MRPS2: variants seen among roughly 807,000 people sequenced by gnomAD.
MRPS2 encodes the protein small ribosomal subunit protein uS2m.
A neutral mutation model predicts 18.9 loss-of-function variants in MRPS2; 13 were observed. The ratio of observed to expected loss-of-function variants is 0.69; its 90% CI spans 0.45 to 1.09. The LOEUF (loss-of-function observed/expected upper bound fraction) is 1.09. Among genes scored for constraint, MRPS2 ranks in the 50% least tolerant of loss-of-function variants. MRPS2 has a pLI of 0.00. For synonymous variants in MRPS2, 186 were observed against 178.4 expected (o/e 1.04, Z -0.34); for missense variants, 389 against 421.7 (o/e 0.92, Z 0.68).
intron 3 of MRPS2, 195 bp downstream of exon 3, chr9:135,502,168 C>A (rs1346507787): frequency 5.0e-6 from 7 of 1,390,170 alleles, no homozygotes; most frequent in Non-Finnish European, 5.6e-6. Flanking sequence ...TCTTGTGTGC[C>A]TTGGTGTGGC....
chr9:135,500,647 G>A (rs984036554), upstream of MRPS2: 3 of 1,395,324 alleles, frequency 2.2e-6, no homozygotes, highest in South Asian at 1.6e-5. Context: ...CGCGGATGGC[G>A]ACGGAAGGGG....
At chr9:135,501,461 T>C in intron 2 of MRPS2, 3 of 931,746 alleles carry the variant, frequency 3.2e-6, no homozygotes, top group Non-Finnish European at 1.4e-6. Flanking sequence ...GCTTGGAGTC[T>C]GCCCACCTTG....
intron 3 of MRPS2, chr9:135,502,470 G>T: frequency 4.7e-6 from 1 of 211,254 alleles, no homozygotes; most frequent in Non-Finnish European, 8.7e-6. Context: ...GGAGCAGCAG[G>T]TGGACATGAG....
intron 1 of MRPS2, 41 bp from the exon 2 acceptor site, chr9:135,500,957 T>C (rs753288243): frequency 3.7e-6 from 6 of 1,604,624 alleles, no homozygotes; most frequent in African/African-American, 1.4e-5. Flanking sequence ...GCGTGGTGCA[T>C]TCGGGACTCG....
upstream of MRPS2, chr9:135,500,169 C>T (rs61739419): frequency 5.0e-3 from 1,982 of 399,250 alleles, 11 homozygotes; most frequent in Middle Eastern, 7.5e-3. Flanking sequence ...AGCCGGGTGA[C>T]GGGGTTTAAG....
rs1831100726 is a variant in MRPS2 at position 135,500,965 on chromosome 9, T to C, written c.44-33T>C. 7 of 1,608,956 alleles carry C rather than the reference T, an allele frequency of 4.4e-6. No individual in the cohort carries two copies. In the Admixed American group the frequency reaches 1.2e-4, roughly 27 times the overall value. On this transcript the variant is annotated intron_variant, in intron 1 of 3. Transcript: ENST00000241600. ...GGAGCGGGCGTGGTGCATTCGGGAC[T>C]CGGCGCCAGGACCTCTATCTACTTC...
Position 135,503,953 on chromosome 9 carries a change from C to T in MRPS2, c.711C>T (p.Pro237=), listed in dbSNP as rs368143543. The change falls in exon 4 of 4, where the codon CCC becomes CCT. Residue 237 remains proline (P), a synonymous_variant. Coordinates refer to ENST00000241600, the MANE Select transcript of MRPS2 (RefSeq NM_016034.5). ...CCTGCCTCATCACCTACCCTGTACC[C>T]GGCAATGACGACTCTCCGCTGGCTG... is the stretch of plus-strand genomic sequence containing the variant. ...CNPCLITYPV[P]GNDDSPLAVH... The T allele has an allele frequency of 1.4e-5, 22 of 1,613,904 alleles. No homozygotes were observed. Among genetic ancestry groups the T allele is most frequent in the South Asian group, 3.3e-5 (3 of 91,084 alleles).
intron 3 of MRPS2, chr9:135,503,310 G>C: frequency 7.1e-7 from 1 of 1,408,846 alleles, no homozygotes; most frequent in Admixed American, 3.1e-5. Context: ...TCGGGAAGAG[G>C]TAGAGGGTAG....
At chr9:135,500,525 C>A (rs1290381704), upstream of MRPS2, 2 of 557,864 alleles carry the variant, frequency 3.6e-6, no homozygotes, top group Non-Finnish European at 5.8e-6. Flanking sequence ...GACTCTCAAG[C>A]CCAGGACCCC....
rs1181124164 is a variant in MRPS2, at chr9:135,502,140, C to G, written c.299+167C>G. On this transcript the variant is annotated intron_variant, in intron 3 of 3. Transcript: ENST00000241600. The stretch of plus-strand genomic sequence containing the variant: ...CCCCACAGAGAAGCAGGAGTTTATT[C>G]CTCAGCTTGGCGGACGCTCTTGTGT... 4.2e-6 allele frequency: 6 copies of G among 1,426,060 alleles called. No homozygotes were observed. In the Middle Eastern group the frequency reaches 7.4e-4, roughly 175 times the overall value. The allele number at this position is 1,426,060 out of a possible 1,614,324, so 88.3% of individuals were successfully genotyped here.
At chr9:135,503,375 A>G (rs1788606912) in intron 3 of MRPS2, 167 bp from the exon 4 acceptor site, 7 of 1,410,614 alleles carry the variant, frequency 5.0e-6, no homozygotes, top group African/African-American at 4.3e-5. Flanking sequence ...ATGGGTCTGC[A>G]CTGCTGTCCA....
At position 135,501,293 on chromosome 9, in the gene MRPS2, A is replaced by G. The variant is rs1290173316; in HGVS notation, c.169+170A>G. The G allele has an allele frequency of 4.2e-6, 6 of 1,424,388 alleles. No homozygotes were observed. In the East Asian group the frequency reaches 1.3e-4, roughly 31 times the overall value. 88.2% of individuals were successfully genotyped at this position (1,424,388 alleles called of 1,614,324 possible). On this transcript the variant is annotated intron_variant, in intron 2 of 3. Transcript: ENST00000241600. ...CGCTCGGTCCTGCCTGACGTAGCAC[A>G]GCGGGCTGAGGCCACCGCCTCACCA... is the stretch of plus-strand genomic sequence containing the variant.
intron 3 of MRPS2, chr9:135,503,013 C>T (rs1831187121): frequency 1.5e-5 from 11 of 751,650 alleles, no homozygotes; most frequent in South Asian, 6.0e-5. Context: ...CACCGAGAGG[C>T]GGGGGTGTCT....
chr9:135,503,461 G>T, intron 3 of MRPS2, 81 bp from the exon 4 acceptor site: 1 of 1,453,206 alleles, frequency 6.9e-7, no homozygotes, highest in South Asian at 1.4e-5. Context: ...GTCCCTGGTG[G>T]GCGTCTGTGT....
chr9:135,501,550 C>T (rs1399213483), intron 2 of MRPS2: 11 of 974,242 alleles, frequency 1.1e-5, no homozygotes, highest in South Asian at 2.3e-5. Context: ...CTGAGCAACC[C>T]GCTGGGCCCC....
chr9:135,501,388 G>A (rs1831129730), intron 2 of MRPS2: 9 of 1,291,564 alleles, frequency 7.0e-6, no homozygotes, highest in Non-Finnish European at 8.9e-6. Flanking sequence ...GGGTGTCACT[G>A]GACCACCGAG....
intron 3 of MRPS2, chr9:135,503,098 GC>G (rs1256774415): frequency 1.0e-6 from 1 of 1,000,332 alleles, no homozygotes; most frequent in East Asian, 1.1e-4. Context: ...CCCAGGCTTG[GC>G]CACTCCTGCC....
intron 3 of MRPS2, 129 bp downstream of exon 3, chr9:135,502,102 T>G (rs1831159882): frequency 1.9e-5 from 28 of 1,499,438 alleles, no homozygotes; most frequent in Non-Finnish European, 2.5e-5. Flanking sequence ...CTCCTCCACA[T>G]GGGAATACAG....
In MRPS2 at chr9:135,502,306, G is replaced by A. The variant is rs916669441; in HGVS notation, c.299+333G>A. ...ATCGGGCTGGGCCTTCTGGGCTGCG[G>A]GGAGGAGGAATGACTGGTCCTGTAT... On this transcript the variant is annotated intron_variant, in intron 3 of 3. Transcript: ENST00000241600. 6 of 1,125,384 alleles carry A rather than the reference G, an allele frequency of 5.3e-6. No individual in the cohort carries two copies. In the Middle Eastern group the frequency reaches 7.3e-4, roughly 136 times the overall value. The allele number at this position is 1,125,384 out of a possible 1,614,324, so 69.7% of individuals were successfully genotyped here.
Sources: allele counts gnomAD v4.1 joint callset, GRCh38; gene constraint gnomAD v4.1.1; transcripts MANE v1.5; gene names NCBI Gene and HGNC (gene_info 2026-07-23, HGNC 2026-07-21).